Variants in MGAT4C observed in about 807,000 individuals in gnomAD.
MGAT4C encodes the protein MGAT4 family member C.
In MGAT4C, 19 loss-of-function variants were observed where a neutral mutation model predicts 40.1. The observed-to-expected ratio is 0.47, with a 90% CI of 0.33 to 0.70. The LOEUF is 0.70. Among genes scored for constraint, MGAT4C ranks in the 30% least tolerant of loss-of-function variants. The probability of loss-of-function intolerance (pLI) is 0.02; values close to 1 mark genes in which losing one functional copy is unlikely to be tolerated. For missense variants in MGAT4C, 491 were observed against 563.2 expected, an observed-to-expected ratio of 0.87 and a Z score of 1.30; for synonymous variants, 181 against 187.1, an observed-to-expected ratio of 0.97 and a Z score of 0.27.
At chr12:86,592,981 TATA>T (rs1961389709) in intron 2 of MGAT4C, among the ~76,000 whole-genome samples, 1 of 152,138 alleles carries the variant, frequency 6.6e-6, no homozygotes, top group East Asian at 1.9e-4. Flanking sequence ...TTTTTGGTTA[TATA>T]ATATCATACT....
At chr12:86,504,939 C>T (rs1327390666) in intron 2 of MGAT4C, among the ~76,000 whole-genome samples, 3 of 152,154 alleles carry the variant, frequency 2.0e-5, no homozygotes, top group East Asian at 1.9e-4. Context: ...GAGACACCGG[C>T]GCCCAGCCAA....
At chr12:86,416,420 A>G (rs1005263751) in intron 3 of MGAT4C, among the ~76,000 whole-genome samples, 8 of 152,116 alleles carry the variant, frequency 5.3e-5, no homozygotes. Flanking sequence ...TGACTGTCAT[A>G]CAAAACAGAA....
chr12:86,814,472 T>A lies in MGAT4C; in HGVS notation c.-262+24194A>T, dbSNP rs185022894. ...TAAAGTTACTGAATTCTCATAATTA[T>A]ATTAATTCCAATTCTCTTATAATTA... On this transcript the variant is annotated intron_variant, in intron 1 of 7. Transcript: ENST00000548651. 3.5e-3 allele frequency among the ~76,000 whole-genome samples: 530 copies of A among 150,656 alleles called. 3 individuals carry two copies. The highest frequency in any genetic ancestry group is 0.017 in the Middle Eastern group (5 of 286).
intron 1 of MGAT4C, among the ~76,000 whole-genome samples, chr12:86,179,269 G>A (rs1887844857): frequency 6.6e-6 from 1 of 152,274 alleles, no homozygotes; most frequent in African/African-American, 2.4e-5. Flanking sequence ...TGATTCTGAG[G>A]CCTCCCCAGC....
chr12:86,423,344 G>A (rs1052975369), intron 3 of MGAT4C, among the ~76,000 whole-genome samples: 1 of 151,490 alleles, frequency 6.6e-6, no homozygotes, highest in African/African-American at 2.4e-5. Context: ...AATTATGGAA[G>A]TTGGAGTTTT....
intron 2 of MGAT4C, among the ~76,000 whole-genome samples, chr12:86,691,583 A>C (rs2136598153): frequency 6.6e-6 from 1 of 152,024 alleles, no homozygotes; most frequent in South Asian, 2.1e-4. Context: ...CAACCAGCTC[A>C]ATTCTAAATT....
At chr12:86,614,657 A>G (rs1962391942) in intron 2 of MGAT4C, among the ~76,000 whole-genome samples, 2 of 151,704 alleles carry the variant, frequency 1.3e-5, no homozygotes, top group South Asian at 4.1e-4. Flanking sequence ...AAATATATAT[A>G]TATATGTTTA....
chr12:86,140,069 C>T (rs1882610547), intron 1 of MGAT4C, among the ~76,000 whole-genome samples: 1 of 152,152 alleles, frequency 6.6e-6, no homozygotes, highest in Non-Finnish European at 1.5e-5. Flanking sequence ...TTCTTGCCTT[C>T]TATGTCTATA....
intron 1 of MGAT4C, among the ~76,000 whole-genome samples, chr12:86,173,514 T>C (rs1887069880): frequency 1.3e-5 from 2 of 152,116 alleles, no homozygotes; most frequent in South Asian, 2.1e-4. Flanking sequence ...TCAGCAGGAA[T>C]TGGTCGCAAT....
intron 2 of MGAT4C, among the ~76,000 whole-genome samples, chr12:86,538,604 A>G (rs889469951): frequency 8.4e-6 from 1 of 118,526 alleles, no homozygotes; most frequent in Non-Finnish European, 1.8e-5. Context: ...AAAGTGTAAT[A>G]CTTCTTTTTT....
rs548917395 is a variant in MGAT4C at position 85,981,130 on chromosome 12, T to C, written c.296-700A>G. Reference sequence around the variant, plus strand: ...TTGTTCCAAGACATAAGCACCACTTTAAAAAATTTTGAAACACACTTTATA... The same window carrying C: ...TTGTTCCAAGACATAAGCACCACTTCAAAAAATTTTGAAACACACTTTATA... On this transcript the variant is annotated intron_variant, in intron 4 of 4. Coordinates refer to ENST00000611864, the MANE Select transcript of MGAT4C (RefSeq NM_001351288.2). Among the ~76,000 whole-genome samples, 18 of 152,256 alleles carry C rather than the reference T, an allele frequency of 1.2e-4. 1 individual carries two copies. Among genetic ancestry groups the C allele is most frequent in the Admixed American group, 1.2e-3 (18 of 15,280 alleles).
At chr12:86,126,547 A>G (rs950027028) in intron 1 of MGAT4C, among the ~76,000 whole-genome samples, 1 of 152,220 alleles carries the variant, frequency 6.6e-6, no homozygotes, top group African/African-American at 2.4e-5. Flanking sequence ...AGTTTCTGAC[A>G]TTGTGATAAA....
intron 4 of MGAT4C, among the ~76,000 whole-genome samples, chr12:86,285,182 C>T (rs1238213996): frequency 2.0e-5 from 3 of 151,866 alleles, no homozygotes; most frequent in African/African-American, 4.8e-5. Context: ...CACAAATATT[C>T]GGCTTCCTAT....
intron 1 of MGAT4C, among the ~76,000 whole-genome samples, chr12:86,825,322 T>C (rs553043915): frequency 6.6e-6 from 1 of 151,352 alleles, no homozygotes; most frequent in East Asian, 2.0e-4. Context: ...AGAAAACTTT[T>C]CAGATATTAC....
chr12:86,631,405 T>G lies in MGAT4C; in HGVS notation c.-229+95804A>C, dbSNP rs539922365. 6.6e-5 allele frequency among the ~76,000 whole-genome samples: 10 copies of G among 152,182 alleles called. No individual in the cohort carries two copies. In the East Asian group the frequency reaches 1.7e-3, roughly 26 times the overall value. ...TCTTCACAGAATTAGAAAAAACTAC[T>G]TTGAAGTTCATATGGAACCAAAAAA... On this transcript the variant is annotated intron_variant, in intron 2 of 7. Coordinates refer to the MGAT4C transcript ENST00000548651.
intron 2 of MGAT4C, among the ~76,000 whole-genome samples, chr12:86,490,362 C>T (rs1004334075): frequency 6.6e-6 from 1 of 151,974 alleles, no homozygotes; most frequent in African/African-American, 2.4e-5. Flanking sequence ...ACTTTATAGA[C>T]AAGCAAATGC....
chr12:86,182,503 T>C (rs1888236265), intron 1 of MGAT4C, among the ~76,000 whole-genome samples: 1 of 152,138 alleles, frequency 6.6e-6, no homozygotes, highest in East Asian at 1.9e-4. Flanking sequence ...CTGTCTTGCC[T>C]GTTATATCCC....
At chr12:86,355,345 T>C (rs1955285392) in intron 3 of MGAT4C, among the ~76,000 whole-genome samples, 1 of 152,066 alleles carries the variant, frequency 6.6e-6, no homozygotes, top group Admixed American at 6.6e-5. Context: ...ACCTCTCAAT[T>C]GGAGTCTCAG....
At chr12:86,064,767 A>G (rs529030098) in intron 1 of MGAT4C, among the ~76,000 whole-genome samples, 1 of 152,300 alleles carries the variant, frequency 6.6e-6, no homozygotes, top group African/African-American at 2.4e-5. Context: ...AAATCAATAA[A>G]TCCAGGAGCT....
Sources: gnomAD v4.1 joint callset for allele counts (sites outside exome capture counted in the v4.1 genomes callset) on GRCh38, gnomAD v4.1.1 for gene constraint, MANE v1.5 for transcripts, NCBI Gene and HGNC (gene_info 2026-07-23, HGNC 2026-07-21) for gene names.